Variants in BMP6 observed in about 807,000 individuals in gnomAD.
The protein encoded by BMP6 is VG-1-R.
In BMP6, 17 loss-of-function variants were observed where a neutral mutation model predicts 54.1. That is an observed-to-expected ratio of 0.31 (90% CI 0.22 to 0.47). The LOEUF (loss-of-function observed/expected upper bound fraction) is 0.47. Ranked by LOEUF, BMP6 falls within the 20% of genes least tolerant of loss-of-function variation. BMP6 has a pLI of 1.00. For synonymous variants in BMP6, 328 were observed against 291.2 expected (o/e 1.13, Z -1.28); for missense variants, 720 against 690.4 (o/e 1.04, Z -0.48).
At chr6:7,829,486 T>C (rs1758754762) in intron 1 of BMP6, among the ~76,000 whole-genome samples, 1 of 152,150 alleles carries the variant, frequency 6.6e-6, no homozygotes, top group East Asian at 1.9e-4. Context: ...GGAGGGTTGC[T>C]TGAGGCTGGG....
chr6:7,835,280 G>T (rs1758855776), intron 1 of BMP6, among the ~76,000 whole-genome samples: 1 of 152,124 alleles, frequency 6.6e-6, no homozygotes, highest in South Asian at 2.1e-4. Flanking sequence ...CCGCCACCAG[G>T]CCCGGCTAAT....
In BMP6 at chr6:7,880,542, GGTCTGTAGCAAGCTGAGTTTGGAT is replaced by G. The variant is rs1456209232; in HGVS notation, c.*210_*233del. 5 of 687,146 alleles carry G rather than the reference GGTCTGTAGCAAGCTGAGTTTGGAT, an allele frequency of 7.3e-6. No individual in the cohort carries two copies. The highest frequency in any genetic ancestry group is 1.2e-5 in the Non-Finnish European group (5 of 418,450). 42.6% of individuals were successfully genotyped at this position (687,146 alleles called of 1,614,324 possible). On this transcript the variant is annotated 3_prime_UTR_variant, in exon 7 of 7. Coordinates refer to ENST00000283147, the MANE Select transcript of BMP6 (RefSeq NM_001718.6). Reference sequence around the variant, plus strand: ...TTGGTAAATGACGTGAGTAGTTGTTGGTCTGTAGCAAGCTGAGTTTGGATGTCTGTAGCATAAGGTCTGGTAACT... The same window carrying G: ...TTGGTAAATGACGTGAGTAGTTGTTGGTCTGTAGCATAAGGTCTGGTAACT...
chr6:7,766,640 A>G (rs1757694918), intron 1 of BMP6, among the ~76,000 whole-genome samples: 1 of 152,184 alleles, frequency 6.6e-6, no homozygotes. Context: ...ATAAATAAAT[A>G]AAAAGAAAAC....
intron 1 of BMP6, among the ~76,000 whole-genome samples, chr6:7,836,209 TTA>T (rs888361542): frequency 2.9e-4 from 44 of 149,734 alleles, no homozygotes; most frequent in African/African-American, 9.6e-4. Context: ...GATTTTTTTT[TTA>T]AAAAAAAATG....
chr6:7,766,572 C>G (rs969864071), intron 1 of BMP6, among the ~76,000 whole-genome samples: 1 of 152,130 alleles, frequency 6.6e-6, no homozygotes, highest in South Asian at 2.1e-4. Context: ...GAGCCAAGAT[C>G]GTGCCACTGC....
rs924408239 is a variant in BMP6 at position 7,880,987 on chromosome 6, A to G, written c.*644A>G. 6.5e-6 allele frequency: 1 copy of G among 153,914 alleles called. No homozygotes were observed. The highest frequency in any genetic ancestry group is 2.4e-5 in the African/African-American group (1 of 41,450). 9.5% of individuals were successfully genotyped at this position (153,914 alleles called of 1,614,324 possible). A position where few individuals can be genotyped will look rare whatever the true frequency, so the allele number is the denominator to read the frequency against. On this transcript the variant is annotated 3_prime_UTR_variant, in exon 7 of 7. Coordinates refer to ENST00000283147, the MANE Select transcript of BMP6 (RefSeq NM_001718.6). ...TACCATTTCTACACCTCAATCCTCC[A>G]TTTGCTGTACTCTTTGCTAGTACCA...
At chr6:7,820,402 C>A (rs897182075) in intron 1 of BMP6, among the ~76,000 whole-genome samples, 1 of 152,174 alleles carries the variant, frequency 6.6e-6, no homozygotes, top group African/African-American at 2.4e-5. Flanking sequence ...CCTCGCAAAT[C>A]GAAAGCTCTG....
chr6:7,744,256 G>T (rs574756314), intron 1 of BMP6, among the ~76,000 whole-genome samples: 55 of 152,252 alleles, frequency 3.6e-4, no homozygotes, highest in Admixed American at 2.1e-3. Context: ...GGAGGCCGAG[G>T]GGGGCGGATC....
At chr6:7,727,726 G>T in intron 1 of BMP6, 107 bp downstream of exon 1, 3 of 1,289,402 alleles carry the variant, frequency 2.3e-6, no homozygotes, top group Non-Finnish European at 3.0e-6. Context: ...CGCGGGTCCC[G>T]CCTGGTGCGC....
chr6:7,851,032 T>G (rs1398545543), intron 2 of BMP6, among the ~76,000 whole-genome samples: 1 of 152,228 alleles, frequency 6.6e-6, no homozygotes, highest in Non-Finnish European at 1.5e-5. Flanking sequence ...TTCAGTTTTA[T>G]AATAAGGCTT....
intron 1 of BMP6, among the ~76,000 whole-genome samples, chr6:7,830,031 T>C (rs1309291948): frequency 6.6e-6 from 1 of 152,230 alleles, no homozygotes; most frequent in Non-Finnish European, 1.5e-5. Flanking sequence ...ATCTTCAGCC[T>C]GACGGTCCTG....
In BMP6 at chr6:7,727,590, C is replaced by T. The variant is rs777631355; in HGVS notation, c.635C>T (p.Ala212Val). ...CAGGACAGCGCCTTCCTCAACGACG[C>T]GGACATGGTCATGAGCTTTGTGAAC... Reference protein sequence around the residue: ...SAQDSAFLNDADMVMSFVNLV... With the variant: ...SAQDSAFLNDVDMVMSFVNLV... The change falls in exon 1 of 7, where the codon GCG (alanine) becomes GTG (valine). Residue 212 changes from alanine (A) to valine (V), a missense_variant. Ala to Val is a moderately conservative substitution (Grantham distance 64). Around this residue, in one of 3 missense-constraint regions of BMP6, gnomAD observed 650 missense variants for 556.3 expected, o/e 1.17. Transcript: ENST00000283147. 10 of 1,577,128 alleles carry T rather than the reference C, an allele frequency of 6.3e-6. No homozygotes were observed. Among genetic ancestry groups the T allele is most frequent in the South Asian group, 2.3e-5 (2 of 87,702 alleles).
At chr6:7,752,231 C>G (rs1163032309) in intron 1 of BMP6, among the ~76,000 whole-genome samples, 2 of 152,226 alleles carry the variant, frequency 1.3e-5, no homozygotes, top group Non-Finnish European at 2.9e-5. Flanking sequence ...CTTCAACAAA[C>G]AGACATGGCT....
intron 1 of BMP6, among the ~76,000 whole-genome samples, chr6:7,755,774 T>A (rs181623063): frequency 4.6e-5 from 7 of 152,198 alleles, no homozygotes; most frequent in African/African-American, 1.4e-4. Flanking sequence ...TCTGAAAAAA[T>A]TCTCTATCTG....
intron 1 of BMP6, among the ~76,000 whole-genome samples, chr6:7,738,114 C>T (rs1761989338): frequency 6.6e-6 from 1 of 152,152 alleles, no homozygotes; most frequent in South Asian, 2.1e-4. Flanking sequence ...AAGAAAAGGC[C>T]GTAGAAGCAC....
At position 7,879,242 on chromosome 6, in the gene BMP6, G is replaced by A. The variant is rs1581296857; in HGVS notation, c.1281+92G>A. The A allele has an allele frequency of 2.3e-6, 3 of 1,323,352 alleles. No individual in the cohort carries two copies. In the East Asian group the frequency reaches 6.9e-5, roughly 30 times the overall value. 82.0% of individuals were successfully genotyped at this position (1,323,352 alleles called of 1,614,324 possible). A position where few individuals can be genotyped will look rare whatever the true frequency, so the allele number is the denominator to read the frequency against. On this transcript the variant is annotated intron_variant, in intron 5 of 6. Coordinates refer to ENST00000283147, the MANE Select transcript of BMP6 (RefSeq NM_001718.6). ...AGCCATTACCAAACACCCAGAGCTT[G>A]ATTGAAGGCTGAGCTGCTTCCTTCT...
chr6:7,852,007 C>T (rs972778041), intron 2 of BMP6, among the ~76,000 whole-genome samples: 2 of 152,112 alleles, frequency 1.3e-5, no homozygotes, highest in African/African-American at 4.8e-5. Flanking sequence ...GGTCTATTTC[C>T]ACTACCTGTT....
At chr6:7,732,899 AT>A (rs11333377) in intron 1 of BMP6, among the ~76,000 whole-genome samples, 63,854 of 147,954 alleles carry the variant, frequency 0.43, 13,602 homozygotes, top group East Asian at 0.54. Context: ...CTAGGGAATG[AT>A]TTTTTTTTTT....
intron 1 of BMP6, among the ~76,000 whole-genome samples, chr6:7,733,525 C>T (rs1761905761): frequency 6.6e-6 from 1 of 152,160 alleles, no homozygotes; most frequent in Non-Finnish European, 1.5e-5. Flanking sequence ...CCCTAGGCCA[C>T]AGCATAACCC....
Sources: gnomAD v4.1 joint callset for allele counts (sites outside exome capture counted in the v4.1 genomes callset) on GRCh38, gnomAD v4.1.1 for gene constraint, gnomAD v4.1.1 regional missense constraint, MANE v1.5 for transcripts, NCBI Gene and HGNC (gene_info 2026-07-23, HGNC 2026-07-21) for gene names.